PLAT: variants seen among roughly 807,000 people sequenced by gnomAD.
The protein encoded by PLAT is tissue-type plasminogen activator.
PLAT carries 48 observed loss-of-function variants against 74.9 expected under a neutral mutation model. The observed-to-expected ratio is 0.64, with a 90% CI of 0.51 to 0.82. The LOEUF is 0.82. Among genes scored for constraint, PLAT ranks in the 40% least tolerant of loss-of-function variants. PLAT has a pLI of 0.00. For missense variants in PLAT, 673 were observed against 736.2 expected (o/e 0.91, Z 0.99); for synonymous variants, 307 against 294.4 (o/e 1.04, Z -0.44).
intron 1 of PLAT, among the ~76,000 whole-genome samples, chr8:42,198,072 C>T (rs1355507999): frequency 6.6e-6 from 1 of 152,202 alleles, no homozygotes; most frequent in Non-Finnish European, 1.5e-5. Flanking sequence ...GTGGTTCACG[C>T]CTGTAACCCC....
intron 1 of PLAT, 122 bp from the exon 2 acceptor site, chr8:42,193,333 C>T (rs551172687): frequency 1.9e-4 from 123 of 634,910 alleles, no homozygotes; most frequent in Non-Finnish European, 2.8e-4. Flanking sequence ...GCGGCAGAAA[C>T]GCCAGACATG....
At chr8:42,189,788 G>A (rs915755714) in intron 3 of PLAT, among the ~76,000 whole-genome samples, 2 of 151,458 alleles carry the variant, frequency 1.3e-5, no homozygotes, top group Non-Finnish European at 2.9e-5. Context: ...TGGTAGGGAC[G>A]GGGTTTCACC....
intron 1 of PLAT, among the ~76,000 whole-genome samples, chr8:42,203,233 G>A (rs1806200772): frequency 6.6e-6 from 1 of 152,224 alleles, no homozygotes; most frequent in Admixed American, 6.5e-5. Flanking sequence ...AGAGGCTCCA[G>A]GTGGAATCAG....
chr8:42,188,114 C>G, intron 4 of PLAT, 98 bp from the exon 5 acceptor site: 2 of 685,632 alleles, frequency 2.9e-6, no homozygotes, highest in South Asian at 1.7e-5. Context: ...CACACACACT[C>G]AAGTCCTGCA....
chr8:42,198,803 G>C (rs75029669), intron 1 of PLAT, among the ~76,000 whole-genome samples: 4,169 of 152,202 alleles, frequency 0.027, 181 homozygotes, highest in African/African-American at 0.095. Context: ...CTGAGCAAGA[G>C]AAAGTCAGTC....
chr8:42,192,313 CT>C (rs1419968703), intron 2 of PLAT, among the ~76,000 whole-genome samples: 41 of 152,208 alleles, frequency 2.7e-4, no homozygotes, highest in African/African-American at 9.9e-4. Flanking sequence ...CCTGCATTGT[CT>C]TTTATAAATA....
chr8:42,207,407 AG>A (rs1806385537), intron 1 of PLAT, 86 bp downstream of exon 1: 1 of 152,280 alleles, frequency 6.6e-6, no homozygotes, highest in Non-Finnish European at 1.5e-5. Flanking sequence ...CCTTGGTTAA[AG>A]CATTCCTTCA....
chr8:42,205,694 C>A (rs185288444), intron 1 of PLAT, among the ~76,000 whole-genome samples: 46 of 152,324 alleles, frequency 3.0e-4, no homozygotes, highest in Admixed American at 2.2e-3. Flanking sequence ...AGTTGTCCTG[C>A]CTTTCCAGAC....
chr8:42,196,871 G>C (rs1194778393), intron 1 of PLAT, among the ~76,000 whole-genome samples: 1 of 151,506 alleles, frequency 6.6e-6, no homozygotes, highest in African/African-American at 2.4e-5. Context: ...AGGAAGGAAG[G>C]GGGTAGGAAG....
intron 3 of PLAT, among the ~76,000 whole-genome samples, chr8:42,189,470 A>T (rs1167531103): frequency 6.6e-6 from 1 of 151,040 alleles, no homozygotes; most frequent in Admixed American, 6.6e-5. Context: ...GTGAGCCGAG[A>T]TTGTACCACT....
chr8:42,196,853 TGAG>T (rs1805929816), intron 1 of PLAT, among the ~76,000 whole-genome samples: 1 of 135,124 alleles, frequency 7.4e-6, no homozygotes, highest in African/African-American at 2.8e-5. Context: ...AAAAGGCAAA[TGAG>T]AAGAAGGAAG....
intron 3 of PLAT, among the ~76,000 whole-genome samples, chr8:42,189,573 CATATG>C (rs988870501): frequency 9.2e-5 from 14 of 151,486 alleles, no homozygotes; most frequent in African/African-American, 3.4e-4. Context: ...AGTATCTTCT[CATATG>C]ATTTATTTAT....
At chr8:42,179,305 T>C (rs1203327463) in intron 12 of PLAT, among the ~76,000 whole-genome samples, 1 of 152,092 alleles carries the variant, frequency 6.6e-6, no homozygotes, top group Non-Finnish European at 1.5e-5. Context: ...AGGTCCCTGT[T>C]GTGGGGGATG....
rs1204012313 is a variant in PLAT, at chr8:42,181,679, G to A, written c.889+258C>T. Among the ~76,000 whole-genome samples, 3 of 152,288 alleles carry A rather than the reference G, an allele frequency of 2.0e-5. No homozygotes were observed. The East Asian group carries it at 5.8e-4, about 29-fold the overall frequency. On this transcript the variant is annotated intron_variant, in intron 9 of 13. Coordinates refer to ENST00000220809, the MANE Select transcript of PLAT (RefSeq NM_000930.5). Reference sequence around the variant, plus strand: ...CAATAGAGGCGTCTAGAGAGAGCCGGGTAGAGCCTACTGACTTCTCAGAGA... The same window carrying A: ...CAATAGAGGCGTCTAGAGAGAGCCGAGTAGAGCCTACTGACTTCTCAGAGA...
chr8:42,200,872 C>T (rs1806103667), intron 1 of PLAT, among the ~76,000 whole-genome samples: 1 of 151,860 alleles, frequency 6.6e-6, no homozygotes. Flanking sequence ...CTCTGTTGCC[C>T]AGGCTGGATT....
intron 4 of PLAT, chr8:42,188,219 G>T (rs1805559559): frequency 2.0e-6 from 1 of 495,894 alleles, no homozygotes; most frequent in Non-Finnish European, 3.6e-6. Flanking sequence ...GGACCCTGCA[G>T]GTCAGACAAG....
chr8:42,198,779 G>T (rs759143786), intron 1 of PLAT, among the ~76,000 whole-genome samples: 1 of 152,110 alleles, frequency 6.6e-6, no homozygotes, highest in East Asian at 1.9e-4. Flanking sequence ...TTAGCAAAAG[G>T]TCTCTCTGAA....
chr8:42,198,435 T>C (rs1249444701), intron 1 of PLAT, among the ~76,000 whole-genome samples: 2 of 152,224 alleles, frequency 1.3e-5, no homozygotes, highest in African/African-American at 4.8e-5. Flanking sequence ...GAAGTTGCAG[T>C]GAGCCAAGAT....
intron 3 of PLAT, among the ~76,000 whole-genome samples, chr8:42,191,069 C>A (rs1805663090): frequency 6.6e-6 from 1 of 152,088 alleles, no homozygotes; most frequent in South Asian, 2.1e-4. Context: ...ATCTGTATAA[C>A]CAGGACCTTG....
Sources: allele counts gnomAD v4.1 joint callset (sites outside exome capture counted in the v4.1 genomes callset), GRCh38; gene constraint gnomAD v4.1.1; transcripts MANE v1.5; gene names NCBI Gene and HGNC (gene_info 2026-07-23, HGNC 2026-07-21).